ACOT11: variants seen among roughly 807,000 people sequenced by gnomAD.
ACOT11 encodes acyl-coenzyme A thioesterase 11.
In ACOT11, 69 loss-of-function variants were observed where a neutral mutation model predicts 77.5. The ratio of observed to expected loss-of-function variants is 0.89; its 90% CI spans 0.73 to 1.09. The LOEUF (loss-of-function observed/expected upper bound fraction) is 1.09. Among genes scored for constraint, ACOT11 ranks in the 50% least tolerant of loss-of-function variants. The pLI, the probability that ACOT11 is intolerant of heterozygous loss-of-function variation, is 0.00. For missense variants in ACOT11, 766 were observed against 813.7 expected (o/e 0.94, Z 0.71); for synonymous variants, 279 against 313.0 (o/e 0.89, Z 1.15).
chr1:54,601,136 C>T, intron 8 of ACOT11, 133 bp from the exon 9 acceptor site: 1 of 850,382 alleles, frequency 1.2e-6, no homozygotes, highest in Non-Finnish European at 1.7e-6. Context: ...TATGTGTGTG[C>T]ATACGTGTGT....
downstream of ACOT11, chr1:54,612,438 G>GAGCTTCT (rs748042655): frequency 7.4e-7 from 1 of 1,356,482 alleles, no homozygotes; most frequent in Non-Finnish European, 1.1e-6. Context: ...ATCTTGCTGG[G>GAGCTTCT]GGCATCAGTG....
chr1:54,634,427 C>G (rs538656060), intron 16 of ACOT11, among the ~76,000 whole-genome samples: 8 of 152,312 alleles, frequency 5.3e-5, no homozygotes, highest in Admixed American at 3.3e-4. Flanking sequence ...GAGGTATTGA[C>G]TGCTTTTGAT....
At chr1:54,592,282 A>C (rs915085578) in intron 3 of ACOT11, among the ~76,000 whole-genome samples, 11 of 152,010 alleles carry the variant, frequency 7.2e-5, no homozygotes, top group Admixed American at 6.6e-5. Context: ...TTAATTGGAC[A>C]ACGGGGATCA....
intron 15 of ACOT11, among the ~76,000 whole-genome samples, chr1:54,630,537 C>T (rs922696534): frequency 2.0e-5 from 3 of 152,182 alleles, no homozygotes; most frequent in African/African-American, 4.8e-5. Context: ...GCAATTAATT[C>T]GGCACATCCC....
chr1:54,609,068 T>C lies in ACOT11; in HGVS notation c.1741T>C (p.Leu581=), dbSNP rs1447462231. Residue 581 remains leucine (L), a synonymous_variant, in exon 16 of 16, where the codon TTG becomes CTG. Transcript: ENST00000343744. ...TTFKACEQFL[L]DNRNDLAPSL... is the part of the protein sequence containing the mutation. The stretch of plus-strand genomic sequence containing the variant: ...CTTCAAGGCTTGTGAGCAGTTTCTC[T>C]TGGACAACCGGAATGATCTGGCCCC... The C allele has an allele frequency of 1.2e-6, 2 of 1,614,152 alleles. No individual in the cohort carries two copies. The highest frequency in any genetic ancestry group is 1.7e-6 in the Non-Finnish European group (2 of 1,180,012).
At position 54,594,592 on chromosome 1, in the gene ACOT11, G is replaced by A; in HGVS notation, c.508G>A (p.Glu170Lys). 2 of 1,614,194 alleles carry A rather than the reference G, an allele frequency of 1.2e-6. No homozygotes were observed. Among genetic ancestry groups the A allele is most frequent in the Non-Finnish European group, 8.5e-7 (1 of 1,180,014 alleles). The change falls in exon 6 of 16, where the codon GAG (glutamate) becomes AAG (lysine). Residue 170 changes from glutamate to lysine, a missense_variant. Glu to Lys is a moderately conservative substitution (Grantham distance 56). Coordinates refer to ENST00000343744, the MANE Select transcript of ACOT11 (RefSeq NM_147161.4). ...LKQITPRTEE[E>K]KMEHSVAAER... ...GCAGATCACGCCGCGGACAGAAGAG[G>A]AGAAGATGGAGCACAGTGTGGCGGC...
At position 54,584,991 on chromosome 1, in the gene ACOT11, G is replaced by T; in HGVS notation, c.241+129G>T. The T allele has an allele frequency of 4.8e-6, 5 of 1,032,446 alleles. No individual in the cohort carries two copies. Among genetic ancestry groups the T allele is most frequent in the Non-Finnish European group, 7.0e-6 (5 of 719,090 alleles). The allele number at this position is 1,032,446 out of a possible 1,614,324, so 64.0% of individuals were successfully genotyped here. On this transcript the variant is annotated intron_variant, in intron 2 of 15. Coordinates refer to ENST00000343744, the MANE Select transcript of ACOT11 (RefSeq NM_147161.4). This position sits in a 1 kb window ranked among gnomAD's most constrained non-coding sequence, Gnocchi z 6.3. ...CTCATCTTGGCCTTTGCTCATGCTG[G>T]TCCCTTTGTCTGAAATGCCCTTCCT...
intron 3 of ACOT11, among the ~76,000 whole-genome samples, chr1:54,591,926 G>A (rs1654726317): frequency 6.6e-6 from 1 of 152,248 alleles, no homozygotes; most frequent in Non-Finnish European, 1.5e-5. Flanking sequence ...CTGGCACCTA[G>A]CAGGCATTCT....
At chr1:54,554,340 T>C (rs1419356816) in intron 1 of ACOT11, among the ~76,000 whole-genome samples, 1 of 105,428 alleles carries the variant, frequency 9.5e-6, no homozygotes, top group African/African-American at 3.3e-5. Flanking sequence ...TGTGTATATA[T>C]ATATATATAT....
At chr1:54,571,897 T>G (rs944559861) in intron 1 of ACOT11, among the ~76,000 whole-genome samples, 1 of 151,890 alleles carries the variant, frequency 6.6e-6, no homozygotes, top group East Asian at 1.9e-4. Flanking sequence ...CCCCACTTTC[T>G]GGGGAGGAAG....
At chr1:54,581,540 G>A (rs1450969307) in intron 1 of ACOT11, among the ~76,000 whole-genome samples, 1 of 152,160 alleles carries the variant, frequency 6.6e-6, no homozygotes, top group Admixed American at 6.5e-5. Flanking sequence ...TCAGGAGGAG[G>A]GACACAGAGC....
chr1:54,586,204 G>C (rs1288007218), intron 3 of ACOT11, among the ~76,000 whole-genome samples: 2 of 152,126 alleles, frequency 1.3e-5, no homozygotes, highest in African/African-American at 4.8e-5. Flanking sequence ...CTCTCTCTCT[G>C]AGCCTCAGTT....
At chr1:54,611,497 G>C (rs572929342), downstream of ACOT11, 1 of 1,025,166 alleles carries the variant, frequency 9.8e-7, no homozygotes, top group Non-Finnish European at 1.5e-6. Context: ...GTCCCACCCC[G>C]GCCTTCCCCC....
chr1:54,589,338 T>TA (rs1553163552), intron 3 of ACOT11, among the ~76,000 whole-genome samples: 2 of 146,776 alleles, frequency 1.4e-5, no homozygotes, highest in South Asian at 2.2e-4. Context: ...TTTTTTTTTT[T>TA]AGAGAAGGAT....
chr1:54,570,089 C>A (rs749767424), intron 1 of ACOT11, among the ~76,000 whole-genome samples: 18 of 152,222 alleles, frequency 1.2e-4, no homozygotes, highest in Admixed American at 2.0e-4. Context: ...TCTCAGTGAA[C>A]CCGAGCTGCT....
intron 15 of ACOT11, among the ~76,000 whole-genome samples, chr1:54,623,060 C>G (rs1259715197): frequency 2.0e-5 from 3 of 151,968 alleles, no homozygotes; most frequent in Admixed American, 2.0e-4. Context: ...CCTGTAATCC[C>G]AGCTACTCGG....
At chr1:54,578,991 A>G (rs995575991) in intron 1 of ACOT11, among the ~76,000 whole-genome samples, 2 of 152,164 alleles carry the variant, frequency 1.3e-5, no homozygotes, top group Non-Finnish European at 2.9e-5. Flanking sequence ...TACCTTTCCA[A>G]CTCCCAAATC....
chr1:54,630,831 G>C (rs1472441646), exon 16 of ACOT11: 1 of 768,504 alleles, frequency 1.3e-6, no homozygotes, highest in African/African-American at 1.7e-5. Flanking sequence ...AGGAGCGACG[G>C]TTGGAATGGA....
chr1:54,609,660 C>T lies in ACOT11; in HGVS notation c.*548C>T, dbSNP rs368473935. ...AGCAGCTCTCTGCCAGCCACATGGC[C>T]GGGGACCGAAAAACTCCCGTGGGAG... On this transcript the variant is annotated 3_prime_UTR_variant, in exon 16 of 16. Transcript: ENST00000343744. The T allele has an allele frequency of 3.7e-4, 598 of 1,613,976 alleles. 4 individuals are homozygous for T. The South Asian group carries it at 6.0e-3, about 16-fold the overall frequency.
Sources: allele counts gnomAD v4.1 joint callset (sites outside exome capture counted in the v4.1 genomes callset), GRCh38; gene constraint gnomAD v4.1.1; non-coding constraint Gnocchi (gnomAD v3.1); transcripts MANE v1.5; gene names NCBI Gene and HGNC (gene_info 2026-07-23, HGNC 2026-07-21).